The following DCC variants were observed in gnomAD, a reference collection of about 807,000 sequenced individuals.
DCC encodes DCC netrin 1 receptor.
Under a neutral mutation model 172.5 loss-of-function variants are expected in DCC, and 58 were observed. The observed-to-expected ratio is 0.34, with a 90% CI of 0.27 to 0.42. The LOEUF (loss-of-function observed/expected upper bound fraction) is 0.42. Among genes scored for constraint, DCC ranks in the 10% least tolerant of loss-of-function variants. The probability of loss-of-function intolerance (pLI) is 1.00; values close to 1 mark genes in which losing one functional copy is unlikely to be tolerated. For synonymous variants in DCC, 709 were observed against 644.5 expected (o/e 1.10, Z -1.52); for missense variants, 1,740 against 1,791.0 (o/e 0.97, Z 0.51).
At chr18:53,066,347 A>ATG (rs1325606848) in intron 7 of DCC, among the ~76,000 whole-genome samples, 181 bp downstream of exon 7, 180 of 87,238 alleles carry the variant, frequency 2.1e-3, no homozygotes, top group East Asian at 8.3e-3. Context: ...GTGTGTGTAC[A>ATG]TGTGTGTATA....
At chr18:52,462,467 C>T (rs1395724894) in intron 1 of DCC, among the ~76,000 whole-genome samples, 3 of 152,166 alleles carry the variant, frequency 2.0e-5, no homozygotes, top group African/African-American at 7.2e-5. Context: ...AGCCTCAGGC[C>T]TACCTGCTTA....
At chr18:52,696,707 A>G (rs1330251122) in intron 1 of DCC, among the ~76,000 whole-genome samples, 1 of 152,194 alleles carries the variant, frequency 6.6e-6, no homozygotes, top group Non-Finnish European at 1.5e-5. Context: ...AAATTCATGA[A>G]TGACGGGATA....
intron 9 of DCC, among the ~76,000 whole-genome samples, chr18:53,197,209 A>G (rs2055457378): frequency 6.6e-6 from 1 of 152,064 alleles, no homozygotes; most frequent in Non-Finnish European, 1.5e-5. Context: ...TGTGGTCTAA[A>G]TCCATTTGGA....
chr18:53,135,350 CAAAT>C (rs1053018600), intron 7 of DCC, among the ~76,000 whole-genome samples: 2 of 152,078 alleles, frequency 1.3e-5, no homozygotes, highest in African/African-American at 2.4e-5. Context: ...ATTCATCACA[CAAAT>C]AAATTTTCCA....
intron 24 of DCC, among the ~76,000 whole-genome samples, chr18:53,460,489 T>A (rs1386355614): frequency 3.7e-5 from 5 of 134,454 alleles, no homozygotes; most frequent in Admixed American, 3.4e-4. Flanking sequence ...TGTCCATGTG[T>A]TCTCATTGTT....
chr18:53,381,758 G>A (rs1301764212), intron 15 of DCC, among the ~76,000 whole-genome samples: 1 of 151,990 alleles, frequency 6.6e-6, no homozygotes, highest in Non-Finnish European at 1.5e-5. Flanking sequence ...ATTCAGTCCA[G>A]AGAGATAGTT....
chr18:52,927,375 C>T (rs943857662), intron 5 of DCC, among the ~76,000 whole-genome samples: 1 of 151,252 alleles, frequency 6.6e-6, no homozygotes, highest in African/African-American at 2.4e-5. Flanking sequence ...ATAAAACTAT[C>T]CAAAGATGCA....
chr18:53,479,939 C>T (rs980224135), intron 25 of DCC, among the ~76,000 whole-genome samples: 2 of 152,102 alleles, frequency 1.3e-5, no homozygotes, highest in South Asian at 4.1e-4. Flanking sequence ...AATGGATTCA[C>T]AATTTGTTGT....
At chr18:52,367,421 A>G (rs1303333777) in intron 1 of DCC, among the ~76,000 whole-genome samples, 2 of 152,200 alleles carry the variant, frequency 1.3e-5, no homozygotes, top group Non-Finnish European at 2.9e-5. Context: ...GGAGGTGCCA[A>G]GAGCAAGCGA....
At chr18:52,535,756 G>T (rs779334162) in intron 1 of DCC, among the ~76,000 whole-genome samples, 1 of 152,160 alleles carries the variant, frequency 6.6e-6, no homozygotes, top group South Asian at 2.1e-4. Context: ...ACTGATGCAT[G>T]GGGATTTTCT....
intron 1 of DCC, among the ~76,000 whole-genome samples, chr18:52,672,117 A>T (rs1422061266): frequency 1.3e-5 from 2 of 152,148 alleles, no homozygotes; most frequent in Admixed American, 1.3e-4. Flanking sequence ...ACAAAAAACA[A>T]AAACAAAACA....
At chr18:52,364,696 C>G (rs570194175) in intron 1 of DCC, among the ~76,000 whole-genome samples, 13 of 152,296 alleles carry the variant, frequency 8.5e-5, no homozygotes, top group African/African-American at 2.9e-4. Flanking sequence ...CTAGAACTTT[C>G]TGTTCTACTC....
chr18:53,245,964 C>A (rs1598942822), intron 12 of DCC, among the ~76,000 whole-genome samples: 1 of 152,138 alleles, frequency 6.6e-6, no homozygotes, highest in South Asian at 2.1e-4. Context: ...TTTTGGATAC[C>A]TTCACAGGTC....
At chr18:53,157,301 C>T (rs779016694) in intron 7 of DCC, 55 bp from the exon 8 acceptor site, 56 of 1,611,648 alleles carry the variant, frequency 3.5e-5, no homozygotes, top group Non-Finnish European at 4.7e-5. Context: ...CCTTCCTACC[C>T]AATTCTTACC....
intron 2 of DCC, among the ~76,000 whole-genome samples, chr18:52,828,477 C>T (rs7244689): frequency 0.25 from 37,779 of 151,578 alleles, 4,890 homozygotes; most frequent in South Asian, 0.3. Context: ...TGGTTTTGAT[C>T]ATGTGATCTA....
chr18:52,621,417 G>T (rs2034476987), intron 1 of DCC, among the ~76,000 whole-genome samples: 1 of 152,126 alleles, frequency 6.6e-6, no homozygotes, highest in Non-Finnish European at 1.5e-5. Flanking sequence ...TCTCAGGAGG[G>T]CTCATTAGAT....
intron 12 of DCC, among the ~76,000 whole-genome samples, chr18:53,225,577 G>C (rs2056014207): frequency 6.6e-6 from 1 of 152,110 alleles, no homozygotes. Flanking sequence ...GAGCTGCAGA[G>C]ACGATAAGTG....
intron 7 of DCC, among the ~76,000 whole-genome samples, chr18:53,145,479 T>C (rs1019659693): frequency 3.3e-5 from 5 of 152,200 alleles, no homozygotes; most frequent in Admixed American, 1.3e-4. Context: ...TCTTGCCCTT[T>C]CTACCTTGTG....
chr18:52,411,702 C>T (rs552889674), intron 1 of DCC, among the ~76,000 whole-genome samples: 3 of 152,238 alleles, frequency 2.0e-5, no homozygotes, highest in Middle Eastern at 3.4e-3. Flanking sequence ...CAGGTTCTTC[C>T]ACATATTAGT....
Sources: allele counts gnomAD v4.1 joint callset (sites outside exome capture counted in the v4.1 genomes callset), GRCh38; gene constraint gnomAD v4.1.1; transcripts MANE v1.5; gene names NCBI Gene and HGNC (gene_info 2026-07-23, HGNC 2026-07-21).